The following PTPRJ variants were observed in gnomAD, a reference collection of about 807,000 sequenced individuals.
PTPRJ encodes protein tyrosine phosphatase receptor type J.
A neutral mutation model predicts 141.3 loss-of-function variants in PTPRJ; 129 were observed. The observed-to-expected ratio is 0.91, with a 90% CI of 0.79 to 1.06. The LOEUF is 1.06. Among genes scored for constraint, PTPRJ ranks in the 50% least tolerant of loss-of-function variants. The pLI is 0.00. For synonymous variants in PTPRJ, 610 were observed against 640.5 expected (o/e 0.95, Z 0.72); for missense variants, 1,601 against 1,679.7 (o/e 0.95, Z 0.82).
intron 1 of PTPRJ, among the ~76,000 whole-genome samples, chr11:47,999,857 A>G (rs1854443175): frequency 9.9e-6 from 1 of 101,496 alleles, no homozygotes; most frequent in African/African-American, 9.2e-5. Context: ...TCATGCCGAG[A>G]TTCTTCTTTT....
chr11:48,137,103 C>T lies in PTPRJ; in HGVS notation c.1974C>T (p.Cys658=). Residue 658 remains cysteine (C), a synonymous_variant, in exon 10 of 25, where the codon TGC becomes TGT. Coordinates refer to ENST00000418331, the MANE Select transcript of PTPRJ (RefSeq NM_002843.4). ...ACGCCTCTCCCACGTACTCCTACTG[C>T]CTTCTTATTGAGAAGGCTGGAAATT... is the stretch of plus-strand genomic sequence containing the variant. ...FDDASPTYSY[C]LLIEKAGNSS... The T allele has an allele frequency of 6.2e-7, 1 of 1,609,152 alleles. No individual in the cohort carries two copies. The highest frequency in any genetic ancestry group is 8.5e-7 in the Non-Finnish European group (1 of 1,175,490).
chr11:48,033,822 G>A (rs562336627), intron 1 of PTPRJ, among the ~76,000 whole-genome samples: 1 of 152,212 alleles, frequency 6.6e-6, no homozygotes, highest in Non-Finnish European at 1.5e-5. Flanking sequence ...GTGATCCAAG[G>A]CGGGAACTAG....
At chr11:48,011,612 C>A (rs1854791886) in intron 1 of PTPRJ, among the ~76,000 whole-genome samples, 1 of 152,188 alleles carries the variant, frequency 6.6e-6, no homozygotes, top group Non-Finnish European at 1.5e-5. Context: ...CCTCTTCCTC[C>A]TTTTAAAATT....
intron 1 of PTPRJ, among the ~76,000 whole-genome samples, chr11:47,987,855 G>C (rs1854089973): frequency 6.6e-6 from 1 of 152,208 alleles, no homozygotes; most frequent in Non-Finnish European, 1.5e-5. Context: ...TAAATGGTAG[G>C]ATAAGGGGTG....
chr11:48,167,506 C>A lies in PTPRJ; in HGVS notation c.*144C>A. On this transcript the variant is annotated 3_prime_UTR_variant, in exon 25 of 25. Coordinates refer to ENST00000418331, the MANE Select transcript of PTPRJ (RefSeq NM_002843.4). ...GAGAACTAATTTTGAGGGCATGAAG[C>A]TGCATATGATAGATGACAAATTGGG... 2.0e-6 allele frequency: 2 copies of A among 995,896 alleles called. No individual in the cohort carries two copies. The highest frequency in any genetic ancestry group is 2.7e-5 in the East Asian group (1 of 37,180). The allele number at this position is 995,896 out of a possible 1,614,324, so 61.7% of individuals were successfully genotyped here. A position where few individuals can be genotyped will look rare whatever the true frequency, so the allele number is the denominator to read the frequency against.
intron 1 of PTPRJ, among the ~76,000 whole-genome samples, chr11:48,034,500 A>G (rs1001665195): frequency 1.3e-5 from 2 of 152,204 alleles, no homozygotes; most frequent in Non-Finnish European, 2.9e-5. Context: ...TCTATTCCCC[A>G]GGTCCTTTAT....
At chr11:48,062,293 C>A (rs2134261688) in intron 1 of PTPRJ, among the ~76,000 whole-genome samples, 1 of 152,100 alleles carries the variant, frequency 6.6e-6, no homozygotes, top group African/African-American at 2.4e-5. Context: ...GCGGGCGGAT[C>A]ATGAGGTCAG....
intron 1 of PTPRJ, among the ~76,000 whole-genome samples, chr11:48,066,179 T>A (rs1318478735): frequency 1.3e-4 from 19 of 151,976 alleles, no homozygotes; most frequent in Admixed American, 9.8e-4. Flanking sequence ...ACCAAAGTAA[T>A]GCGTATTGCA....
At chr11:48,038,000 G>A (rs938722881) in intron 1 of PTPRJ, among the ~76,000 whole-genome samples, 10 of 149,828 alleles carry the variant, frequency 6.7e-5, no homozygotes, top group African/African-American at 2.5e-4. Flanking sequence ...ATTTTTCAAG[G>A]CTCAGTTCAG....
chr11:48,094,926 G>C (rs574303363), intron 1 of PTPRJ, among the ~76,000 whole-genome samples: 47 of 152,274 alleles, frequency 3.1e-4, no homozygotes, highest in Middle Eastern at 3.4e-3. Flanking sequence ...TCTGCCATGT[G>C]AATCTTTGCC....
chr11:48,121,998 C>G (rs996685750), intron 4 of PTPRJ, among the ~76,000 whole-genome samples: 7 of 151,946 alleles, frequency 4.6e-5, no homozygotes, highest in African/African-American at 1.7e-4. Flanking sequence ...TGAACGAGGT[C>G]CAGCGTGGAG....
intron 3 of PTPRJ, 45 bp downstream of exon 3, chr11:48,113,028 G>T: frequency 1.4e-6 from 2 of 1,449,848 alleles, no homozygotes; most frequent in South Asian, 1.3e-5. Flanking sequence ...AAAGGAAATC[G>T]GTAGAATTTA....
intron 4 of PTPRJ, among the ~76,000 whole-genome samples, chr11:48,122,664 A>G (rs577062621): frequency 6.6e-6 from 1 of 152,326 alleles, no homozygotes; most frequent in Admixed American, 6.5e-5. Context: ...ATCCACAGTC[A>G]CCGAGCTGGG....
intron 1 of PTPRJ, among the ~76,000 whole-genome samples, chr11:48,010,114 C>T (rs889518905): frequency 7.9e-5 from 12 of 152,184 alleles, no homozygotes; most frequent in African/African-American, 1.4e-4. Context: ...CCTAAATAGA[C>T]GGGGTTCTCC....
Position 48,121,228 on chromosome 11 carries a change from A to G in PTPRJ, c.578A>G (p.Glu193Gly), listed in dbSNP as rs759704327. Residue 193 changes from glutamate (E) to glycine (G), a missense_variant, in exon 4 of 25, where the codon GAG (glutamate) becomes GGG (glycine). Transcript: ENST00000418331. ...VFSITPGIGN[E>G]TWGDPRVIKV... ...TCCATCACTCCAGGAATAGGCAATG[A>G]GACTTGGGGAGATCCCAGAGTCATA... is the stretch of plus-strand genomic sequence containing the variant. The G allele has an allele frequency of 1.2e-6, 2 of 1,614,090 alleles. No individual in the cohort carries two copies. Among genetic ancestry groups the G allele is most frequent in the African/African-American group, 1.3e-5 (1 of 74,958 alleles).
chr11:48,090,841 G>C (rs758396818), intron 1 of PTPRJ, among the ~76,000 whole-genome samples: 85 of 152,186 alleles, frequency 5.6e-4, no homozygotes, highest in Non-Finnish European at 9.6e-4. Flanking sequence ...TGGTCCTGTG[G>C]CCAGCACTCT....
chr11:48,115,005 G>A (rs939080710), intron 3 of PTPRJ, among the ~76,000 whole-genome samples: 2 of 152,012 alleles, frequency 1.3e-5, no homozygotes, highest in African/African-American at 2.4e-5. Flanking sequence ...AATATACAGA[G>A]GAGGAAAAAT....
intron 1 of PTPRJ, among the ~76,000 whole-genome samples, chr11:48,082,612 T>G (rs1254477298): frequency 3.2e-5 from 2 of 62,658 alleles, no homozygotes; most frequent in Non-Finnish European, 8.8e-5. Flanking sequence ...TCCAGCCTGA[T>G]ATTGCTATTT....
rs1329188714 is a variant in PTPRJ at position 48,010,410 on chromosome 11, C to A, written c.96+29402C>A. Among the ~76,000 whole-genome samples the A allele has an allele frequency of 2.6e-5, 4 of 151,726 alleles. No individual in the cohort carries two copies. In the East Asian group the frequency reaches 7.8e-4, roughly 29 times the overall value. On this transcript the variant is annotated intron_variant, in intron 1 of 24. Coordinates refer to ENST00000418331, the MANE Select transcript of PTPRJ (RefSeq NM_002843.4). ...GCCAGGCTGGTCTCAAACTCCTGAC[C>A]TCAAGTGATCCGCCCGTCTCAGCCT...
Sources: allele counts gnomAD v4.1 joint callset (sites outside exome capture counted in the v4.1 genomes callset), GRCh38; gene constraint gnomAD v4.1.1; transcripts MANE v1.5; gene names NCBI Gene and HGNC (gene_info 2026-07-23, HGNC 2026-07-21).